TNR: variants seen among roughly 807,000 people sequenced by gnomAD.
TNR encodes tenascin-R.
A neutral mutation model predicts 150.4 loss-of-function variants in TNR; 45 were observed. The ratio of observed to expected loss-of-function variants is 0.30; its 90% CI spans 0.24 to 0.38. The LOEUF is 0.38. Ranked by LOEUF, TNR falls within the 10% of genes least tolerant of loss-of-function variation. The probability of loss-of-function intolerance (pLI) is 1.00; values close to 1 mark genes in which losing one functional copy is unlikely to be tolerated. For synonymous variants in TNR, 687 were observed against 678.4 expected, an observed-to-expected ratio of 1.01 and a Z score of -0.20; for missense variants, 1,544 against 1,759.1, an observed-to-expected ratio of 0.88 and a Z score of 2.19.
intron 1 of TNR, among the ~76,000 whole-genome samples, chr1:175,554,892 A>G (rs1008055657): frequency 5.9e-5 from 9 of 152,196 alleles, no homozygotes; most frequent in Admixed American, 5.9e-4. Flanking sequence ...CTCTCATTTT[A>G]TGAATGGAAA....
intron 1 of TNR, among the ~76,000 whole-genome samples, chr1:175,656,082 CA>C (rs1411490980): frequency 6.6e-6 from 1 of 151,716 alleles, no homozygotes; most frequent in Non-Finnish European, 1.5e-5. Flanking sequence ...GCTATCTCCC[CA>C]GACAGGGCAC....
intron 2 of TNR, among the ~76,000 whole-genome samples, chr1:175,447,969 T>C (rs1194062236): frequency 1.3e-5 from 2 of 152,236 alleles, no homozygotes; most frequent in Non-Finnish European, 2.9e-5. Flanking sequence ...AAATGTTGTC[T>C]GTTATTATTA....
chr1:175,729,376 G>A (rs569684474), intron 1 of TNR, among the ~76,000 whole-genome samples: 62 of 152,158 alleles, frequency 4.1e-4, no homozygotes, highest in Non-Finnish European at 8.1e-4. Flanking sequence ...GCCACAGTTA[G>A]AGCAAACAGA....
At chr1:175,687,354 G>C (rs769214371) in intron 1 of TNR, among the ~76,000 whole-genome samples, 9 of 152,066 alleles carry the variant, frequency 5.9e-5, no homozygotes, top group Admixed American at 2.0e-4. Context: ...TGCTTACTCT[G>C]TCTCCAGCCC....
intron 1 of TNR, among the ~76,000 whole-genome samples, chr1:175,676,983 G>T (rs148012509): frequency 2.6e-5 from 4 of 152,190 alleles, no homozygotes; most frequent in African/African-American, 9.6e-5. Context: ...GGCTCAGAGG[G>T]TAAGTGACCA....
chr1:175,363,749 G>A lies in TNR; in HGVS notation c.2666C>T (p.Ala889Val), dbSNP rs754775775. 2 of 1,613,982 alleles carry A rather than the reference G, an allele frequency of 1.2e-6. No homozygotes were observed. Among genetic ancestry groups the A allele is most frequent in the Admixed American group, 3.3e-5 (2 of 60,016 alleles). Residue 889 changes from alanine to valine, a missense_variant, in exon 13 of 23, where the codon GCA becomes GTA. Ala to Val is a moderately conservative substitution (Grantham distance 64, BLOSUM62 0). Transcript: ENST00000367674. ...TGATACTCGGTAGTAATCGAAAGAT[G>A]CAACAGGAGGGCTCCAGGAGACCAT... ...SVMVSWSPPV[A>V]SFDYYRVSYR...
rs925515789 is a variant in TNR at position 175,335,525 on chromosome 1, C to A, written c.3631+186G>T. ...AAGAGACAGAGAAAAGAGGGAAACA[C>A]CACAGTAAGATAAAAACAGATCAAT... is the stretch of plus-strand genomic sequence containing the variant. On this transcript the variant is annotated intron_variant, in intron 20 of 22. Coordinates refer to ENST00000367674, the MANE Select transcript of TNR (RefSeq NM_003285.3). The A allele has an allele frequency of 7.8e-5, 44 of 566,488 alleles. No homozygotes were observed. The East Asian group carries it at 1.3e-3, about 17-fold the overall frequency. The allele number at this position is 566,488 out of a possible 1,614,324, so 35.1% of individuals were successfully genotyped here. A position where few individuals can be genotyped will look rare whatever the true frequency, so the allele number is the denominator to read the frequency against.
chr1:175,457,901 A>G (rs1656635206), intron 2 of TNR, among the ~76,000 whole-genome samples: 1 of 152,242 alleles, frequency 6.6e-6, no homozygotes, highest in South Asian at 2.1e-4. Context: ...AATTGATATC[A>G]TAAAAGCCAT....
At chr1:175,728,933 C>T (rs1442020145) in intron 1 of TNR, among the ~76,000 whole-genome samples, 5 of 152,144 alleles carry the variant, frequency 3.3e-5, no homozygotes, top group East Asian at 1.9e-4. Flanking sequence ...CCCAAGCTCC[C>T]GAGCTAATGA....
intron 1 of TNR, among the ~76,000 whole-genome samples, chr1:175,543,914 A>G (rs1034218071): frequency 7.4e-5 from 11 of 149,320 alleles, no homozygotes; most frequent in South Asian, 4.3e-4. Flanking sequence ...AGTCACAGAG[A>G]AAAAAAAAGA....
At chr1:175,399,261 G>A (rs1212506066) in intron 4 of TNR, among the ~76,000 whole-genome samples, 1 of 152,162 alleles carries the variant, frequency 6.6e-6, no homozygotes, top group East Asian at 1.9e-4. Flanking sequence ...GGCAGAAATG[G>A]CCACTCCAAA....
rs530580182 is a variant in TNR, at chr1:175,518,370, T to C, written c.-64+9899A>G. ...TGTGCAGTCTTGGGACACACAAATA[T>C]GTCCACACAGGTCTGTCCTCGATCC... On this transcript the variant is annotated intron_variant, in intron 2 of 22. Coordinates refer to ENST00000367674, the MANE Select transcript of TNR (RefSeq NM_003285.3). Among the ~76,000 whole-genome samples the C allele has an allele frequency of 7.9e-5, 12 of 152,314 alleles. No homozygotes were observed. The South Asian group carries it at 1.9e-3, about 24-fold the overall frequency.
At chr1:175,390,017 G>A (rs1435484778) in intron 7 of TNR, among the ~76,000 whole-genome samples, 1 of 152,134 alleles carries the variant, frequency 6.6e-6, no homozygotes, top group Non-Finnish European at 1.5e-5. Flanking sequence ...AGCTGTCCTG[G>A]TTGGAGGCAT....
chr1:175,687,319 C>T (rs1666230503), intron 1 of TNR, among the ~76,000 whole-genome samples: 1 of 152,152 alleles, frequency 6.6e-6, no homozygotes, highest in African/African-American at 2.4e-5. Context: ...CCCCTTCGTG[C>T]CCTTAAGTTT....
At chr1:175,433,858 C>T (rs770400431) in intron 2 of TNR, among the ~76,000 whole-genome samples, 3 of 152,186 alleles carry the variant, frequency 2.0e-5, no homozygotes, top group Admixed American at 1.3e-4. Flanking sequence ...CCATCCATTG[C>T]GTCACGGAGA....
chr1:175,405,093 T>C (rs941273640), intron 3 of TNR, among the ~76,000 whole-genome samples: 2 of 152,214 alleles, frequency 1.3e-5, no homozygotes, highest in African/African-American at 4.8e-5. Context: ...ATGGATCCTA[T>C]AGAGGTGAGT....
At chr1:175,359,947 A>C (rs2239820) in intron 14 of TNR, among the ~76,000 whole-genome samples, 51,347 of 152,076 alleles carry the variant, frequency 0.34, 8,699 homozygotes, top group African/African-American at 0.35. Context: ...GTTCTCCCCC[A>C]GTCGCCCCCA....
chr1:175,491,672 T>C lies in TNR; in HGVS notation c.-64+36597A>G, dbSNP rs1301707381. On this transcript the variant is annotated intron_variant, in intron 2 of 22. Coordinates refer to ENST00000367674, the MANE Select transcript of TNR (RefSeq NM_003285.3). ...TTTTTTTTTTTTTTTTTTTTTGAGA[T>C]GGAGTCTCGCTCTGTTGCCCAGGCT... Among the ~76,000 whole-genome samples, 141 of 127,244 alleles carry C rather than the reference T, an allele frequency of 1.1e-3. 2 individuals are homozygous for C. The highest frequency in any genetic ancestry group is 9.6e-5 in the Non-Finnish European group (6 of 62,432). The allele number at this position is 127,244 out of a possible 152,430, so 83.5% of individuals were successfully genotyped here.
At chr1:175,640,754 C>A (rs1664628897) in intron 1 of TNR, among the ~76,000 whole-genome samples, 1 of 148,866 alleles carries the variant, frequency 6.7e-6, no homozygotes, top group Non-Finnish European at 1.5e-5. Context: ...GATCAATAAC[C>A]TGTTACAACT....
Sources: gnomAD v4.1 joint callset for allele counts (sites outside exome capture counted in the v4.1 genomes callset) on GRCh38, gnomAD v4.1.1 for gene constraint, MANE v1.5 for transcripts, NCBI Gene and HGNC (gene_info 2026-07-23, HGNC 2026-07-21) for gene names.